The following HS3ST4 variants were observed in gnomAD, a reference collection of about 807,000 sequenced individuals.
HS3ST4 encodes heparan sulfate-glucosamine 3-sulfotransferase 4, also known as heparan sulfate glucosamine 3-O-sulfotransferase 4.
A neutral mutation model predicts 29.2 loss-of-function variants in HS3ST4; 17 were observed. That is an observed-to-expected ratio of 0.58 (90% CI 0.40 to 0.87). HS3ST4 has a LOEUF of 0.87. Ranked by LOEUF, HS3ST4 falls within the 40% of genes least tolerant of loss-of-function variation. HS3ST4 has a pLI of 0.00. For missense variants in HS3ST4, 627 were observed against 634.5 expected, an observed-to-expected ratio of 0.99 and a Z score of 0.13; for synonymous variants, 314 against 285.7, an observed-to-expected ratio of 1.10 and a Z score of -1.00.
intron 1 of HS3ST4, among the ~76,000 whole-genome samples, chr16:26,053,848 C>G (rs1265119449): frequency 6.6e-6 from 1 of 151,940 alleles, no homozygotes. Context: ...GCGGTAACAT[C>G]CACCACAAAA....
At chr16:25,749,051 A>G (rs762477645) in intron 1 of HS3ST4, among the ~76,000 whole-genome samples, 2 of 152,218 alleles carry the variant, frequency 1.3e-5, no homozygotes, top group Non-Finnish European at 2.9e-5. Context: ...CCATCTTGGT[A>G]TTTCCCAAGT....
In HS3ST4 at chr16:25,714,747, G is replaced by A. The variant is rs549208169; in HGVS notation, c.734+21596G>A. ...CTGACATGGCAGAGAAGTCTAGCTC[G>A]TTATTTGGTAGTATCTACATTGTAT... On this transcript the variant is annotated intron_variant, in intron 1 of 1. Coordinates refer to ENST00000331351, the MANE Select transcript of HS3ST4 (RefSeq NM_006040.3). Among the ~76,000 whole-genome samples, 7 of 152,318 alleles carry A rather than the reference G, an allele frequency of 4.6e-5. No individual in the cohort carries two copies. The South Asian group carries it at 1.2e-3, about 27-fold the overall frequency.
intron 1 of HS3ST4, among the ~76,000 whole-genome samples, chr16:26,030,928 G>C (rs1221488754): frequency 6.6e-6 from 1 of 152,194 alleles, no homozygotes; most frequent in African/African-American, 2.4e-5. Context: ...ATAAAAGCAG[G>C]GGGTTTTGCC....
At chr16:25,919,743 T>G (rs1968328559) in intron 1 of HS3ST4, among the ~76,000 whole-genome samples, 1 of 152,178 alleles carries the variant, frequency 6.6e-6, no homozygotes, top group African/African-American at 2.4e-5. Context: ...TTAAAAAGAA[T>G]AGTCAACTTT....
intron 1 of HS3ST4, among the ~76,000 whole-genome samples, chr16:25,789,303 C>T (rs2141618843): frequency 1.3e-5 from 2 of 151,874 alleles, no homozygotes; most frequent in Middle Eastern, 3.4e-3. Context: ...CCTCTTCTTT[C>T]TTTCTTTCTT....
At chr16:25,809,279 T>G (rs1038880924) in intron 1 of HS3ST4, among the ~76,000 whole-genome samples, 1 of 152,198 alleles carries the variant, frequency 6.6e-6, no homozygotes, top group African/African-American at 2.4e-5. Context: ...TATTCCTAAC[T>G]TGATTTTGTC....
Position 25,921,792 on chromosome 16 carries a change from TCACC to T in HS3ST4, c.735-213817_735-213814del, listed in dbSNP as rs1451674258. On this transcript the variant is annotated intron_variant, in intron 1 of 1. Coordinates refer to ENST00000331351, the MANE Select transcript of HS3ST4 (RefSeq NM_006040.3). ...TTTTTTGAGACAGGGTTCTGCTCTGTCACCCAGGCTAGAATACAGTGTCTCAATC... is the reference window on the plus strand; with the variant it reads ...TTTTTTGAGACAGGGTTCTGCTCTGTCAGGCTAGAATACAGTGTCTCAATC... Among the ~76,000 whole-genome samples the T allele has an allele frequency of 4.6e-5, 7 of 151,714 alleles. No homozygotes were observed. In the East Asian group the frequency reaches 1.4e-3, roughly 29 times the overall value.
intron 1 of HS3ST4, among the ~76,000 whole-genome samples, chr16:25,873,312 A>G (rs1012112449): frequency 7.4e-6 from 1 of 134,574 alleles, no homozygotes; most frequent in African/African-American, 3.0e-5. Flanking sequence ...CCATCCATCC[A>G]TCCATCCATC....
At chr16:25,956,988 A>ACTCC (rs1968740673) in intron 1 of HS3ST4, among the ~76,000 whole-genome samples, 2 of 112,644 alleles carry the variant, frequency 1.8e-5, no homozygotes, top group Non-Finnish European at 3.4e-5. Context: ...ACAGAGCGAG[A>ACTCC]CTCCGTCTCA....
intron 1 of HS3ST4, among the ~76,000 whole-genome samples, chr16:25,937,895 A>C (rs1968532529): frequency 6.6e-6 from 1 of 152,302 alleles, no homozygotes. Flanking sequence ...TACCTAGTGA[A>C]GATTCCCAGC....
chr16:25,849,200 C>A (rs1021433897), intron 1 of HS3ST4, among the ~76,000 whole-genome samples: 1 of 151,874 alleles, frequency 6.6e-6, no homozygotes, highest in African/African-American at 2.4e-5. Flanking sequence ...TGTTTATGGC[C>A]TAATAAAGAC....
chr16:25,937,831 C>T (rs1262606692), intron 1 of HS3ST4, among the ~76,000 whole-genome samples: 1 of 152,180 alleles, frequency 6.6e-6, no homozygotes, highest in East Asian at 1.9e-4. Context: ...GTAAGTATAT[C>T]TGTTTTGCAG....
At position 25,938,226 on chromosome 16, in the gene HS3ST4, C is replaced by T. The variant is rs74892147; in HGVS notation, c.735-197386C>T. 2.4e-4 allele frequency among the ~76,000 whole-genome samples: 36 copies of T among 152,218 alleles called. No individual in the cohort carries two copies. In the East Asian group the frequency reaches 6.6e-3, roughly 28 times the overall value. On this transcript the variant is annotated intron_variant, in intron 1 of 1. Coordinates refer to ENST00000331351, the MANE Select transcript of HS3ST4 (RefSeq NM_006040.3). ...GATCAGAGCAAACTGAAACAAAGAACATAATTCTGGACACACAGGAGGCCC... is the reference window on the plus strand; with the variant it reads ...GATCAGAGCAAACTGAAACAAAGAATATAATTCTGGACACACAGGAGGCCC...
At chr16:26,120,238 T>C (rs1899257534) in intron 1 of HS3ST4, among the ~76,000 whole-genome samples, 1 of 152,204 alleles carries the variant, frequency 6.6e-6, no homozygotes, top group Non-Finnish European at 1.5e-5. Flanking sequence ...CATTTCTCCC[T>C]CTGTTATATG....
chr16:25,804,781 C>G (rs1446503077), intron 1 of HS3ST4, among the ~76,000 whole-genome samples: 1 of 152,062 alleles, frequency 6.6e-6, no homozygotes, highest in Admixed American at 6.6e-5. Context: ...CTCCCTTAGG[C>G]CATTGGGAGC....
At chr16:25,758,251 C>T (rs1966769204) in intron 1 of HS3ST4, among the ~76,000 whole-genome samples, 1 of 152,126 alleles carries the variant, frequency 6.6e-6, no homozygotes, top group Admixed American at 6.5e-5. Context: ...CATTCCCATT[C>T]GATACTAGTA....
intron 1 of HS3ST4, among the ~76,000 whole-genome samples, chr16:25,941,920 G>A (rs943801759): frequency 2.6e-5 from 4 of 152,190 alleles, no homozygotes; most frequent in African/African-American, 9.6e-5. Flanking sequence ...AGAATTCTGT[G>A]TGGGCAGGAT....
At chr16:26,086,551 G>C (rs192875890) in intron 1 of HS3ST4, among the ~76,000 whole-genome samples, 2 of 151,736 alleles carry the variant, frequency 1.3e-5, no homozygotes, top group African/African-American at 4.8e-5. Context: ...GGGTTTCGCC[G>C]TATTAGCCAG....
intron 1 of HS3ST4, among the ~76,000 whole-genome samples, chr16:25,889,564 A>T (rs1282047539): frequency 2.0e-5 from 3 of 152,160 alleles, no homozygotes; most frequent in African/African-American, 7.2e-5. Context: ...GATTTTAGGG[A>T]TTCTTCATGC....
Sources: gnomAD v4.1 joint callset for allele counts (sites outside exome capture counted in the v4.1 genomes callset) on GRCh38, gnomAD v4.1.1 for gene constraint, MANE v1.5 for transcripts, NCBI Gene and HGNC (gene_info 2026-07-23, HGNC 2026-07-21) for gene names.